SLC30A8: variants seen among roughly 807,000 people sequenced by gnomAD.
SLC30A8 encodes the protein proton-coupled zinc antiporter SLC30A8.
Under a neutral mutation model 36.9 loss-of-function variants are expected in SLC30A8, and 27 were observed. The ratio of observed to expected loss-of-function variants is 0.73; its 90% CI spans 0.54 to 1.01. SLC30A8 has a LOEUF of 1.01. SLC30A8 is among the 50% of genes least tolerant of loss of function. SLC30A8 has a pLI of 0.00. For synonymous variants in SLC30A8, 164 were observed against 172.4 expected (o/e 0.95, Z 0.38); for missense variants, 439 against 452.0 (o/e 0.97, Z 0.26).
chr8:117,026,956 T>C (rs1321433207), intron 1 of SLC30A8, among the ~76,000 whole-genome samples: 1 of 152,082 alleles, frequency 6.6e-6, no homozygotes, highest in Non-Finnish European at 1.5e-5. Context: ...GATTCCATGG[T>C]CCGGGCGCCA....
intron 1 of SLC30A8, among the ~76,000 whole-genome samples, chr8:116,985,978 TG>T (rs1276737301): frequency 1.3e-5 from 2 of 152,206 alleles, no homozygotes; most frequent in East Asian, 3.8e-4. Flanking sequence ...CCAACTGGGA[TG>T]AGTCTTTACA....
At chr8:117,032,013 AT>A (rs1479039847) in intron 1 of SLC30A8, among the ~76,000 whole-genome samples, 3 of 152,046 alleles carry the variant, frequency 2.0e-5, no homozygotes, top group African/African-American at 7.2e-5. Context: ...TCTAAACTTG[AT>A]TATTTAAGGA....
intron 2 of SLC30A8, among the ~76,000 whole-genome samples, chr8:117,069,319 G>A (rs1036423627): frequency 3.3e-5 from 5 of 152,112 alleles, no homozygotes; most frequent in African/African-American, 1.2e-4. Flanking sequence ...TTAAAATATT[G>A]GGGATATTTG....
At chr8:116,986,805 A>G (rs1221125279) in intron 1 of SLC30A8, among the ~76,000 whole-genome samples, 1 of 152,172 alleles carries the variant, frequency 6.6e-6, no homozygotes, top group East Asian at 1.9e-4. Flanking sequence ...ATCCTCATAA[A>G]TGAGCATATT....
chr8:116,975,201 G>A (rs1814946928), intron 1 of SLC30A8, among the ~76,000 whole-genome samples: 1 of 151,998 alleles, frequency 6.6e-6, no homozygotes. Flanking sequence ...AAAAAGATAA[G>A]CTCTTTTCCT....
chr8:117,125,446 G>A (rs767029320), intron 2 of SLC30A8, among the ~76,000 whole-genome samples: 54 of 151,948 alleles, frequency 3.6e-4, no homozygotes, highest in Non-Finnish European at 6.9e-4. Context: ...TGTCTTTTTA[G>A]CTCAAGAGAA....
chr8:117,085,846 C>T (rs1206562424), intron 2 of SLC30A8, among the ~76,000 whole-genome samples: 2 of 152,016 alleles, frequency 1.3e-5, no homozygotes, highest in African/African-American at 4.8e-5. Flanking sequence ...GTGCCCTTAG[C>T]CACAAGGAGC....
At chr8:116,951,172 GA>G (rs1286816115) in intron 1 of SLC30A8, 1 of 152,204 alleles carries the variant, frequency 6.6e-6, no homozygotes. Flanking sequence ...GAAACTTGTA[GA>G]GTAAGGCATC....
chr8:116,951,882 C>T (rs1321412036), intron 1 of SLC30A8, among the ~76,000 whole-genome samples: 1 of 151,830 alleles, frequency 6.6e-6, no homozygotes, highest in Non-Finnish European at 1.5e-5. Context: ...ATTGGGCTCT[C>T]ATGTTGCTTG....
chr8:117,119,725 A>G (rs1269038506), intron 2 of SLC30A8, among the ~76,000 whole-genome samples: 2 of 151,970 alleles, frequency 1.3e-5, no homozygotes, highest in Non-Finnish European at 2.9e-5. Context: ...ATAGTAGTAC[A>G]GCAGTGCTAT....
At chr8:116,980,867 C>T (rs984891402) in intron 1 of SLC30A8, among the ~76,000 whole-genome samples, 1 of 152,218 alleles carries the variant, frequency 6.6e-6, no homozygotes, top group Non-Finnish European at 1.5e-5. Context: ...TATAAAGACA[C>T]TATCATTTCT....
intron 1 of SLC30A8, among the ~76,000 whole-genome samples, chr8:116,976,818 C>CT (rs1554620309): frequency 1.3e-3 from 177 of 134,578 alleles, no homozygotes; most frequent in African/African-American, 5.2e-3. Context: ...TTCTTTCTTT[C>CT]TTTCTTTTTT....
chr8:116,952,115 C>G (rs1814014709), intron 1 of SLC30A8, among the ~76,000 whole-genome samples: 1 of 151,984 alleles, frequency 6.6e-6, no homozygotes, highest in Non-Finnish European at 1.5e-5. Flanking sequence ...ATAGAAGGTG[C>G]TAGAGGTGAG....
chr8:116,973,627 A>G (rs953478471), intron 1 of SLC30A8, among the ~76,000 whole-genome samples: 3 of 152,224 alleles, frequency 2.0e-5, no homozygotes, highest in Non-Finnish European at 2.9e-5. Context: ...GGTGATTTAT[A>G]GATTCAGTGC....
rs565040791 is a variant in SLC30A8, at chr8:117,128,755, A to C, written c.-225-6525A>C. ...TAGCATAAATAGTGTACACAACAAA[A>C]TACTTGGGAAGTGTTTCCTTTAGTA... On this transcript the variant is annotated intron_variant, in intron 2 of 10. Coordinates refer to the SLC30A8 transcript ENST00000427715. 2.0e-5 allele frequency among the ~76,000 whole-genome samples: 3 copies of C among 152,222 alleles called. No homozygotes were observed. In the South Asian group the frequency reaches 6.2e-4, roughly 32 times the overall value.
intron 2 of SLC30A8, among the ~76,000 whole-genome samples, chr8:117,047,813 C>A (rs1044897616): frequency 5.9e-5 from 9 of 152,296 alleles, no homozygotes; most frequent in Non-Finnish European, 1.3e-4. Context: ...GTCAAAAGAC[C>A]TTGCTGATAA....
At chr8:117,078,098 T>C (rs911202750) in intron 2 of SLC30A8, among the ~76,000 whole-genome samples, 2 of 152,242 alleles carry the variant, frequency 1.3e-5, no homozygotes, top group Admixed American at 6.5e-5. Flanking sequence ...AAAAGTAATT[T>C]ATGATAAAAA....
At chr8:116,967,675 C>T (rs191495724) in intron 1 of SLC30A8, among the ~76,000 whole-genome samples, 194 of 152,264 alleles carry the variant, frequency 1.3e-3, no homozygotes, top group African/African-American at 4.4e-3. Flanking sequence ...AGGTTTCTTA[C>T]GGTGGCGTGT....
intron 1 of SLC30A8, among the ~76,000 whole-genome samples, chr8:116,955,361 A>C (rs1814156343): frequency 6.6e-6 from 1 of 152,160 alleles, no homozygotes; most frequent in African/African-American, 2.4e-5. Flanking sequence ...CCATGTGAAG[A>C]CACAAAAAGA....
Sources: gnomAD v4.1 joint callset for allele counts (sites outside exome capture counted in the v4.1 genomes callset) on GRCh38, gnomAD v4.1.1 for gene constraint, MANE v1.5 for transcripts, NCBI Gene and HGNC (gene_info 2026-07-23, HGNC 2026-07-21) for gene names.